Variants in SEMA3A observed in about 807,000 individuals in gnomAD.
The protein encoded by SEMA3A is semaphorin-3A.
A neutral mutation model predicts 97.9 loss-of-function variants in SEMA3A; 29 were observed. The observed-to-expected ratio is 0.30, with a 90% CI of 0.22 to 0.40. SEMA3A has a LOEUF of 0.40. Among genes scored for constraint, SEMA3A ranks in the 10% least tolerant of loss-of-function variants. SEMA3A has a pLI of 1.00. For synonymous variants in SEMA3A, 321 were observed against 323.7 expected, an observed-to-expected ratio of 0.99 and a Z score of 0.09; for missense variants, 763 against 951.3, an observed-to-expected ratio of 0.80 and a Z score of 2.60.
chr7:84,276,702 A>C (rs1800304428), intron 3 of SEMA3A, among the ~76,000 whole-genome samples: 1 of 152,134 alleles, frequency 6.6e-6, no homozygotes, highest in Non-Finnish European at 1.5e-5. Context: ...CAGCTGGTTT[A>C]AAATCAATTT....
chr7:84,323,420 G>C (rs35769603), intron 2 of SEMA3A, among the ~76,000 whole-genome samples: 978 of 152,066 alleles, frequency 6.4e-3, no homozygotes, highest in Non-Finnish European at 0.011. Flanking sequence ...ATGACAGACA[G>C]ACCGCCTTCA....
At chr7:84,433,330 G>C (rs1326456507) in intron 1 of SEMA3A, among the ~76,000 whole-genome samples, 1 of 148,774 alleles carries the variant, frequency 6.7e-6, no homozygotes, top group Non-Finnish European at 1.5e-5. Context: ...TGCAGTGTTT[G>C]GTTTTCTGTT....
chr7:84,312,010 T>C (rs1202234443), intron 2 of SEMA3A, among the ~76,000 whole-genome samples: 1 of 151,864 alleles, frequency 6.6e-6, no homozygotes, highest in Non-Finnish European at 1.5e-5. Context: ...AAATGACACC[T>C]AGGACATCAG....
At chr7:84,486,080 T>C (rs1186010749) in intron 1 of SEMA3A, among the ~76,000 whole-genome samples, 3 of 152,182 alleles carry the variant, frequency 2.0e-5, no homozygotes, top group Non-Finnish European at 2.9e-5. Context: ...ATAGGCATTA[T>C]GGTTTACGTG....
intron 3 of SEMA3A, among the ~76,000 whole-genome samples, chr7:84,259,314 C>T (rs1270593202): frequency 1.3e-5 from 2 of 152,008 alleles, no homozygotes; most frequent in Non-Finnish European, 2.9e-5. Flanking sequence ...AATAGTATGC[C>T]ACCTCCAGGA....
At chr7:83,971,692 T>C (rs752052827) in intron 15 of SEMA3A, among the ~76,000 whole-genome samples, 32 of 152,184 alleles carry the variant, frequency 2.1e-4, no homozygotes, top group Admixed American at 1.2e-3. Context: ...AACATGCATG[T>C]GTGCTTAACC....
At chr7:84,081,562 T>C (rs1032640129) in intron 4 of SEMA3A, among the ~76,000 whole-genome samples, 7 of 140,672 alleles carry the variant, frequency 5.0e-5, no homozygotes, top group Non-Finnish European at 7.5e-5. Context: ...CAGTGCACTG[T>C]AGCCTGGGCG....
At chr7:84,041,946 G>A (rs1427276283) in intron 6 of SEMA3A, among the ~76,000 whole-genome samples, 4 of 152,056 alleles carry the variant, frequency 2.6e-5, no homozygotes, top group African/African-American at 7.2e-5. Context: ...ATACTCTGAC[G>A]TTTTTTATGT....
At chr7:84,079,215 A>C (rs1267630254) in intron 4 of SEMA3A, among the ~76,000 whole-genome samples, 1 of 152,194 alleles carries the variant, frequency 6.6e-6, no homozygotes, top group Non-Finnish European at 1.5e-5. Context: ...GATGGATTAA[A>C]GACTTAAACA....
chr7:84,344,775 C>A (rs997756324), intron 2 of SEMA3A, among the ~76,000 whole-genome samples: 2 of 152,124 alleles, frequency 1.3e-5, no homozygotes, highest in East Asian at 3.9e-4. Flanking sequence ...GATTACGGTT[C>A]ATGTTTCCAT....
intron 1 of SEMA3A, among the ~76,000 whole-genome samples, chr7:84,403,699 C>G (rs977238416): frequency 1.3e-5 from 2 of 152,144 alleles, no homozygotes; most frequent in African/African-American, 4.8e-5. Flanking sequence ...GACAAAACTT[C>G]CAGAGGAACG....
At chr7:84,082,167 C>A (rs145506229) in intron 4 of SEMA3A, among the ~76,000 whole-genome samples, 1 of 152,160 alleles carries the variant, frequency 6.6e-6, no homozygotes, top group Non-Finnish European at 1.5e-5. Flanking sequence ...TAATGTCATT[C>A]TCTTCTAAGT....
At chr7:84,291,058 TTGTTCC>T (rs1449930154) in intron 3 of SEMA3A, among the ~76,000 whole-genome samples, 1 of 152,110 alleles carries the variant, frequency 6.6e-6, no homozygotes, top group Non-Finnish European at 1.5e-5. Context: ...ATACCACATA[TTGTTCC>T]TGCTGGTATC....
intron 4 of SEMA3A, among the ~76,000 whole-genome samples, chr7:84,080,355 TAAC>T (rs1285960652): frequency 6.6e-6 from 1 of 150,910 alleles, no homozygotes; most frequent in Non-Finnish European, 1.5e-5. Context: ...AGTATAATAA[TAAC>T]AAGAAAAAAA....
chr7:84,116,137 A>G (rs1213424143), intron 3 of SEMA3A, among the ~76,000 whole-genome samples: 1 of 152,144 alleles, frequency 6.6e-6, no homozygotes, highest in African/African-American at 2.4e-5. Flanking sequence ...CTTGCCTAAT[A>G]TCAAAAATTA....
intron 3 of SEMA3A, among the ~76,000 whole-genome samples, chr7:84,260,799 T>A (rs1469519509): frequency 6.6e-6 from 1 of 151,960 alleles, no homozygotes; most frequent in Admixed American, 6.6e-5. Flanking sequence ...GCGTCATGGA[T>A]GATATGTTGA....
At chr7:84,186,434 T>C (rs1359399108) in intron 1 of SEMA3A, among the ~76,000 whole-genome samples, 2 of 152,192 alleles carry the variant, frequency 1.3e-5, no homozygotes. Context: ...TCATTTAAGC[T>C]AGTTCTTAAG....
chr7:84,205,314 T>C (rs1187608900), intron 3 of SEMA3A, among the ~76,000 whole-genome samples: 2 of 152,198 alleles, frequency 1.3e-5, no homozygotes, highest in Admixed American at 6.5e-5. Context: ...GGAATCCTGA[T>C]TGGCTGGTAA....
At chr7:84,194,955 T>G (rs1385868248), upstream of SEMA3A, 9 of 164,592 alleles carry the variant, frequency 5.5e-5, no homozygotes, top group African/African-American at 2.2e-4. Context: ...CAGTCTCTAA[T>G]CCTGCTCCCT....
Sources: gnomAD v4.1 joint callset for allele counts (sites outside exome capture counted in the v4.1 genomes callset) on GRCh38, gnomAD v4.1.1 for gene constraint, MANE v1.5 for transcripts, NCBI Gene and HGNC (gene_info 2026-07-23, HGNC 2026-07-21) for gene names.